The following METTL24 variants were observed in gnomAD, a reference collection of about 807,000 sequenced individuals.
METTL24 encodes the protein methyltransferase like 24.
In METTL24, 29 loss-of-function variants were observed where a neutral mutation model predicts 32.7. That is an observed-to-expected ratio of 0.89 (90% CI 0.66 to 1.21). The LOEUF is 1.21. Ranked by LOEUF, METTL24 falls within the 50% of genes most tolerant of loss-of-function variation. The pLI is 0.00. For missense variants in METTL24, 439 were observed against 468.1 expected (o/e 0.94, Z 0.57); for synonymous variants, 163 against 179.5 (o/e 0.91, Z 0.73).
rs941509753 is a variant in METTL24 at position 110,248,755 on chromosome 6, A to G, written c.787-2495T>C. ...GACAATATAGTGAGACCTCATCTCTACAAAAAAAAATAAAAATAAAAATAA... is the reference window on the plus strand; with the variant it reads ...GACAATATAGTGAGACCTCATCTCTGCAAAAAAAAATAAAAATAAAAATAA... On this transcript the variant is annotated intron_variant, in intron 4 of 4. Transcript: ENST00000338882. 1.9e-4 allele frequency among the ~76,000 whole-genome samples: 29 copies of G among 151,938 alleles called. 1 individual carries two copies. The highest frequency in any genetic ancestry group is 3.5e-4 in the Non-Finnish European group (24 of 67,888).
At chr6:110,337,238 A>G (rs565787225) in intron 1 of METTL24, among the ~76,000 whole-genome samples, 13 of 152,306 alleles carry the variant, frequency 8.5e-5, no homozygotes, top group South Asian at 2.1e-4. Flanking sequence ...TCATAGGCAC[A>G]AAGGAGGGAA....
At chr6:110,274,863 A>G (rs1051121903) in intron 4 of METTL24, among the ~76,000 whole-genome samples, 2 of 129,892 alleles carry the variant, frequency 1.5e-5, no homozygotes, top group African/African-American at 6.1e-5. Flanking sequence ...CAGTGGCGCC[A>G]TCTTGGCTCA....
At chr6:110,340,798 C>T (rs1562242995) in intron 1 of METTL24, among the ~76,000 whole-genome samples, 1 of 152,210 alleles carries the variant, frequency 6.6e-6, no homozygotes, top group Non-Finnish European at 1.5e-5. Flanking sequence ...CTGAACACAG[C>T]ATTCCCCCGT....
intron 1 of METTL24, among the ~76,000 whole-genome samples, chr6:110,333,667 C>T (rs563667883): frequency 2.7e-4 from 41 of 152,226 alleles, no homozygotes; most frequent in Middle Eastern, 6.8e-3. Context: ...GTCTCAAGCT[C>T]GTGACCTCAA....
intron 2 of METTL24, 77 bp downstream of exon 2, chr6:110,322,697 C>T: frequency 7.9e-7 from 1 of 1,258,816 alleles, no homozygotes; most frequent in Non-Finnish European, 1.1e-6. Flanking sequence ...TGAGAACCTC[C>T]CCCACCTCCT....
rs112555436 is a variant in METTL24, at chr6:110,331,081, T to C, written c.319-8209A>G. On this transcript the variant is annotated intron_variant, in intron 1 of 4. Coordinates refer to ENST00000338882, the MANE Select transcript of METTL24 (RefSeq NM_001123364.3). ...AGTCTCAGCAAAGAAATAGGAAGCA[T>C]AGGGAGCCAAATGGAAATTCCAGAA... is the stretch of plus-strand genomic sequence containing the variant. 2.6e-3 allele frequency among the ~76,000 whole-genome samples: 397 copies of C among 152,200 alleles called. 1 individual carries two copies. Among genetic ancestry groups the C allele is most frequent in the Non-Finnish European group, 4.8e-3 (324 of 67,988 alleles).
At chr6:110,274,458 T>C (rs1369779421) in intron 4 of METTL24, among the ~76,000 whole-genome samples, 1 of 152,092 alleles carries the variant, frequency 6.6e-6, no homozygotes, top group Non-Finnish European at 1.5e-5. Context: ...GACTAAGCTA[T>C]GAGGATGCAA....
intron 2 of METTL24, among the ~76,000 whole-genome samples, chr6:110,317,762 CCA>C (rs756149749): frequency 6.6e-6 from 1 of 152,102 alleles, no homozygotes; most frequent in Non-Finnish European, 1.5e-5. Context: ...CTAACCTTTC[CCA>C]CAGTGTTTCT....
chr6:110,345,663 A>C, intron 1 of METTL24, among the ~76,000 whole-genome samples: 1 of 152,224 alleles, frequency 6.6e-6, no homozygotes, highest in East Asian at 1.9e-4. Flanking sequence ...ACTGTTAGTA[A>C]ACTAATACAG....
At chr6:110,336,812 C>T (rs1772244949) in intron 1 of METTL24, among the ~76,000 whole-genome samples, 1 of 151,308 alleles carries the variant, frequency 6.6e-6, no homozygotes, top group Non-Finnish European at 1.5e-5. Context: ...AACACTTATA[C>T]ACTGTCGGTG....
At chr6:110,285,822 C>T (rs1046943476) in intron 4 of METTL24, among the ~76,000 whole-genome samples, 1 of 152,196 alleles carries the variant, frequency 6.6e-6, no homozygotes, top group East Asian at 1.9e-4. Context: ...GTTCTCATTC[C>T]CCAAACTTCT....
At chr6:110,292,824 TA>T (rs1771343139) in intron 4 of METTL24, among the ~76,000 whole-genome samples, 1 of 152,092 alleles carries the variant, frequency 6.6e-6, no homozygotes, top group South Asian at 2.1e-4. Context: ...AAAACATTTT[TA>T]AAATAAATAT....
At position 110,246,950 on chromosome 6, in the gene METTL24, T is replaced by TAA. The variant is rs5879062; in HGVS notation, c.787-692_787-691dup. 6.1e-3 allele frequency among the ~76,000 whole-genome samples: 877 copies of TAA among 143,232 alleles called. 14 individuals carry two copies. Among genetic ancestry groups the TAA allele is most frequent in the African/African-American group, 0.02 (802 of 39,488 alleles). The allele number at this position is 143,232 out of a possible 152,430, so 94.0% of individuals were successfully genotyped here. A position where few individuals can be genotyped will look rare whatever the true frequency, so the allele number is the denominator to read the frequency against. On this transcript the variant is annotated intron_variant, in intron 4 of 4. Transcript: ENST00000338882. ...AATGTATATACCAGTATAGCATTCT[T>TAA]AAAAAAAAAAAAAGCAGTAACACCA...
intron 3 of METTL24, among the ~76,000 whole-genome samples, chr6:110,300,240 C>A (rs556986915): frequency 5.3e-5 from 8 of 152,004 alleles, no homozygotes; most frequent in Admixed American, 5.2e-4. Flanking sequence ...CTTGATAGTT[C>A]GTGGATTTTG....
At chr6:110,261,860 A>G (rs906340954) in intron 4 of METTL24, among the ~76,000 whole-genome samples, 1 of 152,226 alleles carries the variant, frequency 6.6e-6, no homozygotes, top group Non-Finnish European at 1.5e-5. Context: ...CTGCTCCTGA[A>G]TGACTACTGG....
chr6:110,349,687 A>T (rs1453727707), intron 1 of METTL24, among the ~76,000 whole-genome samples: 1 of 152,214 alleles, frequency 6.6e-6, no homozygotes, highest in Admixed American at 6.5e-5. Context: ...CCCATAGTTC[A>T]CTTGGGCCCC....
intron 1 of METTL24, among the ~76,000 whole-genome samples, chr6:110,331,926 A>G (rs1431264736): frequency 6.6e-6 from 1 of 152,178 alleles, no homozygotes; most frequent in Non-Finnish European, 1.5e-5. Flanking sequence ...AGCCCGTCCC[A>G]TAGGAGCCTC....
intron 4 of METTL24, among the ~76,000 whole-genome samples, chr6:110,255,549 G>T (rs1345841921): frequency 1.3e-5 from 2 of 152,094 alleles, no homozygotes; most frequent in African/African-American, 4.8e-5. Context: ...CAGGCAGAAG[G>T]GCAATGGCAG....
At chr6:110,261,432 T>C (rs764012797) in intron 4 of METTL24, among the ~76,000 whole-genome samples, 27 of 152,202 alleles carry the variant, frequency 1.8e-4, no homozygotes, top group Admixed American at 5.2e-4. Flanking sequence ...TAAATATATA[T>C]GCACCCAATA....
Sources: allele counts gnomAD v4.1 joint callset (sites outside exome capture counted in the v4.1 genomes callset), GRCh38; gene constraint gnomAD v4.1.1; transcripts MANE v1.5; gene names NCBI Gene and HGNC (gene_info 2026-07-23, HGNC 2026-07-21).